Variants in LGR5 observed in about 807,000 individuals in gnomAD.
LGR5 encodes leucine rich repeat containing G protein-coupled receptor 5.
Under a neutral mutation model 76.7 loss-of-function variants are expected in LGR5, and 54 were observed. The ratio of observed to expected loss-of-function variants is 0.70; its 90% confidence interval spans 0.57 to 0.88. LGR5 has a LOEUF of 0.88. Among genes scored for constraint, LGR5 ranks in the 40% least tolerant of loss-of-function variants. LGR5 has a pLI of 0.00. For missense variants in LGR5, 1,078 were observed against 1,073.3 expected, an observed-to-expected ratio of 1.00 and a Z score of -0.06; for synonymous variants, 406 against 421.9, an observed-to-expected ratio of 0.96 and a Z score of 0.46.
At chr12:71,538,593 G>T (rs1001456693) in intron 4 of LGR5, among the ~76,000 whole-genome samples, 6 of 152,212 alleles carry the variant, frequency 3.9e-5, no homozygotes, top group Admixed American at 3.9e-4. Flanking sequence ...CTGACCTGGA[G>T]CATTCCCTCA....
chr12:71,546,165 A>G (rs923777585), intron 4 of LGR5, among the ~76,000 whole-genome samples: 2 of 151,984 alleles, frequency 1.3e-5, no homozygotes, highest in African/African-American at 4.8e-5. Context: ...ATACAAAAAA[A>G]TTAGCTGGGT....
At chr12:71,533,359 A>T (rs572406251) in intron 3 of LGR5, among the ~76,000 whole-genome samples, 1 of 152,282 alleles carries the variant, frequency 6.6e-6, no homozygotes, top group East Asian at 1.9e-4. Flanking sequence ...AAATAAATAA[A>T]TAATTAAATA....
chr12:71,573,806 T>G lies in LGR5; in HGVS notation c.1208+885T>G, dbSNP rs553485905. Among the ~76,000 whole-genome samples the G allele has an allele frequency of 2.0e-4, 30 of 152,170 alleles. 1 individual carries two copies. In the South Asian group the frequency reaches 5.8e-3, roughly 30 times the overall value. Reference sequence around the variant, plus strand: ...TCCCAAAAGTTTACCTTAATAACCTTAATAATTTCCTCCCAAAAGTTTACC... The same window carrying G: ...TCCCAAAAGTTTACCTTAATAACCTGAATAATTTCCTCCCAAAAGTTTACC... On this transcript the variant is annotated intron_variant, in intron 13 of 17. Transcript: ENST00000266674.
intron 16 of LGR5, 51 bp from the exon 17 acceptor site, chr12:71,582,405 C>T: frequency 6.8e-7 from 1 of 1,465,496 alleles, no homozygotes; most frequent in African/African-American, 1.4e-5. Flanking sequence ...GGGATTTGGT[C>T]CCTTGAAAAG....
At chr12:71,545,252 C>T (rs1877096762) in intron 4 of LGR5, among the ~76,000 whole-genome samples, 1 of 152,176 alleles carries the variant, frequency 6.6e-6, no homozygotes, top group African/African-American at 2.4e-5. Flanking sequence ...TTGAGACCAA[C>T]CTGGCCAACA....
intron 1 of LGR5, among the ~76,000 whole-genome samples, chr12:71,482,071 T>A (rs375337216): frequency 2.0e-5 from 3 of 152,368 alleles, no homozygotes; most frequent in South Asian, 4.1e-4. Flanking sequence ...GGGAAGGTAC[T>A]TCAGATTCCC....
chr12:71,481,768 A>C (rs35345040), intron 1 of LGR5, among the ~76,000 whole-genome samples: 13,648 of 152,246 alleles, frequency 0.09, 657 homozygotes, highest in Non-Finnish European at 0.11. Context: ...GCCTGAGAGA[A>C]ATGAAATAGA....
chr12:71,475,106 C>G (rs1873269969), intron 1 of LGR5, among the ~76,000 whole-genome samples: 1 of 151,928 alleles, frequency 6.6e-6, no homozygotes, highest in Admixed American at 6.6e-5. Context: ...TGTAAGTCTC[C>G]CAAAAATGCA....
In LGR5 at chr12:71,585,121, A is replaced by T. The variant is rs1255489817; in HGVS notation, c.*387A>T. On this transcript the variant is annotated 3_prime_UTR_variant, in exon 18 of 18. Coordinates refer to ENST00000266674, the MANE Select transcript of LGR5 (RefSeq NM_003667.4). ...CCAAATGGGTTTATTTAAACCCACA[A>T]ACTCAAGAGGTTGTTGGGGGAATTA... is the stretch of plus-strand genomic sequence containing the variant. The T allele has an allele frequency of 1.2e-5, 2 of 171,296 alleles. No individual in the cohort carries two copies. Among genetic ancestry groups the T allele is most frequent in the Non-Finnish European group, 2.5e-5 (2 of 79,694 alleles). The allele number at this position is 171,296 out of a possible 1,614,324, so 10.6% of individuals were successfully genotyped here.
intron 1 of LGR5, among the ~76,000 whole-genome samples, chr12:71,498,991 G>A (rs914999622): frequency 6.6e-6 from 1 of 152,150 alleles, no homozygotes; most frequent in East Asian, 1.9e-4. Flanking sequence ...ATTGGGCACT[G>A]GTGTTACAAA....
chr12:71,578,592 C>A (rs1481800512), intron 14 of LGR5, among the ~76,000 whole-genome samples: 2 of 152,166 alleles, frequency 1.3e-5, no homozygotes, highest in African/African-American at 4.8e-5. Context: ...AATTTGAATA[C>A]AATTAAAACC....
chr12:71,546,049 ATTGT>A (rs1029268782), intron 4 of LGR5, among the ~76,000 whole-genome samples: 4 of 151,670 alleles, frequency 2.6e-5, no homozygotes, highest in African/African-American at 4.9e-5. Flanking sequence ...TAAAAGATTA[ATTGT>A]TTGAGGCCTA....
chr12:71,495,880 C>G (rs887756234), intron 1 of LGR5, among the ~76,000 whole-genome samples: 1 of 151,784 alleles, frequency 6.6e-6, no homozygotes, highest in African/African-American at 2.4e-5. Context: ...TATAGTTTCA[C>G]TTGTTACAGC....
chr12:71,525,387 GA>G (rs1350509737), intron 3 of LGR5, among the ~76,000 whole-genome samples: 3 of 150,032 alleles, frequency 2.0e-5, no homozygotes, highest in Non-Finnish European at 3.0e-5. Flanking sequence ...TCCTCTCTTT[GA>G]ATTTTTTTCT....
rs1223416735 is a variant in LGR5 at position 71,516,925 on chromosome 12, A to G, written c.285-7481A>G. ...TATGTAGAAAGACAAGTTTTTTTTA[A>G]TCGAGTTACATCTTGTTACAGAAGT... On this transcript the variant is annotated intron_variant, in intron 2 of 17. Coordinates refer to ENST00000266674, the MANE Select transcript of LGR5 (RefSeq NM_003667.4). Among the ~76,000 whole-genome samples the G allele has an allele frequency of 2.0e-5, 3 of 151,984 alleles. No homozygotes were observed. In the South Asian group the frequency reaches 6.2e-4, roughly 32 times the overall value.
intron 1 of LGR5, among the ~76,000 whole-genome samples, chr12:71,457,542 TACTGACA>T (rs1338080703): frequency 6.6e-6 from 1 of 152,104 alleles, no homozygotes. Flanking sequence ...CAAAATAGGA[TACTGACA>T]CAGAAGAGAA....
intron 1 of LGR5, among the ~76,000 whole-genome samples, chr12:71,494,981 G>A (rs78989984): frequency 0.048 from 7,314 of 151,138 alleles, 317 homozygotes; most frequent in Middle Eastern, 0.12. Flanking sequence ...ACCTCCAGAT[G>A]CAGTGAGAAA....
chr12:71,512,913 G>C (rs1204214502), intron 2 of LGR5, among the ~76,000 whole-genome samples: 1 of 152,192 alleles, frequency 6.6e-6, no homozygotes, highest in Non-Finnish European at 1.5e-5. Context: ...TTTACAAAGA[G>C]GTGATGGTTG....
intron 1 of LGR5, among the ~76,000 whole-genome samples, chr12:71,457,166 C>A (rs1872515251): frequency 6.6e-6 from 1 of 152,162 alleles, no homozygotes; most frequent in South Asian, 2.1e-4. Context: ...TCTTTTCGAA[C>A]ACAATGACTG....
Sources: allele counts gnomAD v4.1 joint callset (sites outside exome capture counted in the v4.1 genomes callset), GRCh38; gene constraint gnomAD v4.1.1; transcripts MANE v1.5; gene names NCBI Gene and HGNC (gene_info 2026-07-23, HGNC 2026-07-21).